The following ZNF607 variants were observed in gnomAD, a reference collection of about 807,000 sequenced individuals.
ZNF607 encodes zinc finger protein 607.
A neutral mutation model predicts 12.8 loss-of-function variants in ZNF607; 5 were observed. The observed-to-expected ratio is 0.39, with a 90% CI of 0.20 to 0.82. The LOEUF (loss-of-function observed/expected upper bound fraction) is 0.82, where lower values mean the gene tolerates loss of function less well. ZNF607 is among the 40% of genes least tolerant of loss of function. The probability of loss-of-function intolerance (pLI) is 0.39; values close to 1 mark genes in which losing one functional copy is unlikely to be tolerated. For synonymous variants in ZNF607, 287 were observed against 276.2 expected (o/e 1.04, Z -0.39); for missense variants, 851 against 859.2 (o/e 0.99, Z 0.12).
intron 4 of ZNF607, among the ~76,000 whole-genome samples, chr19:37,704,511 T>C (rs1046112149): frequency 9.2e-5 from 14 of 152,076 alleles, no homozygotes; most frequent in Admixed American, 5.3e-4. Context: ...AAATAAACCA[T>C]AGGTCAAAGA....
At chr19:37,700,933 C>T (rs1405342212) in intron 4 of ZNF607, among the ~76,000 whole-genome samples, 2 of 151,960 alleles carry the variant, frequency 1.3e-5, no homozygotes, top group Non-Finnish European at 1.5e-5. Flanking sequence ...AGTATATATA[C>T]ATATTTTGAA....
In ZNF607 at chr19:37,698,295, G is replaced by C; in HGVS notation, c.1836C>G (p.Thr612=). The C allele has an allele frequency of 6.2e-7, 1 of 1,613,758 alleles. No individual in the cohort carries two copies. ...SHLIIHERIH[T]SDKPYECKRC... ...TTTTACATTCATAGGGTTTATCACT[G>C]GTATGAATTCTCTCATGAATAATAA... Residue 612 remains threonine, a synonymous_variant, in exon 5 of 5, where the codon ACC becomes ACG. Transcript: ENST00000355202.
At chr19:37,717,641 C>CAAA (rs530962725) in intron 1 of ZNF607, among the ~76,000 whole-genome samples, 1 of 128,806 alleles carries the variant, frequency 7.8e-6, no homozygotes, top group African/African-American at 2.9e-5. Flanking sequence ...ACTAAAAATA[C>CAAA]AAAAAAAAAA....
chr19:37,705,640 G>A (rs566870542), intron 4 of ZNF607, among the ~76,000 whole-genome samples: 167 of 130,416 alleles, frequency 1.3e-3, no homozygotes, highest in African/African-American at 4.3e-3. Context: ...AGCTGAAATC[G>A]CACCACTGCA....
intron 1 of ZNF607, among the ~76,000 whole-genome samples, chr19:37,715,182 A>G (rs1209104233): frequency 3.3e-5 from 5 of 151,894 alleles, no homozygotes; most frequent in Non-Finnish European, 7.4e-5. Flanking sequence ...CTGGGATTAC[A>G]GGCATGAGCC....
rs779486737 is a variant in ZNF607 at position 37,709,782 on chromosome 19, T to A, written c.50A>T (p.His17Leu). Reference protein sequence around the residue: ...TFGDVAIDFSHQEWEYLSLVQ... With the variant: ...TFGDVAIDFSLQEWEYLSLVQ... ...CAGGCTGAGATATTCCCACTCCTGA[T>A]GAGAGAAGTCTATGGCCACATCCCC... The change falls in exon 3 of 5, where the codon CAT becomes CTT. Residue 17 changes from histidine to leucine, a missense_variant. Coordinates refer to ENST00000355202, the MANE Select transcript of ZNF607 (RefSeq NM_032689.5). 5.0e-6 allele frequency: 8 copies of A among 1,613,976 alleles called. No homozygotes were observed. Among genetic ancestry groups the A allele is most frequent in the African/African-American group, 2.7e-5 (2 of 74,920 alleles).
Position 37,698,897 on chromosome 19 carries a change from G to A in ZNF607, c.1234C>T (p.Gln412Ter). 6.2e-7 allele frequency: 1 copy of A among 1,613,922 alleles called. No homozygotes were observed. Among genetic ancestry groups the A allele is most frequent in the Non-Finnish European group, 8.5e-7 (1 of 1,179,964 alleles). Residue 412 changes from glutamine to a stop codon, truncating the protein, a stop_gained, in exon 5 of 5, where the codon CAA becomes TAA. Coordinates refer to ENST00000355202, the MANE Select transcript of ZNF607 (RefSeq NM_032689.5). LOFTEE classifies it low-confidence loss of function (END_TRUNC). ...FRLNSSLKIHQNIHTGEKPYK... is the reference protein window; with the variant it reads ...FRLNSSLKIH ...GGTTTCTCACCGGTATGAATATTTT[G>A]ATGTATTTTAAGGGATGAATTGAGC... is the stretch of plus-strand genomic sequence containing the variant.
rs367890090 is a variant in ZNF607 at position 37,699,585 on chromosome 19, A to G, written c.546T>C (p.Pro182=). 7.4e-6 allele frequency: 12 copies of G among 1,614,112 alleles called. No individual in the cohort carries two copies. The African/African-American group carries it at 1.6e-4, about 22-fold the overall frequency. ...CEECGKVFSY[P]ANLAQHGKVH... The stretch of plus-strand genomic sequence containing the variant: ...CTTTCCCATGTTGAGCAAGGTTTGC[A>G]GGATAACTGAAGACCTTCCCACATT... Residue 182 remains proline, a synonymous_variant, in exon 5 of 5, where the codon CCT becomes CCC. Transcript: ENST00000355202.
chr19:37,705,685 CAAAAA>C lies in ZNF607; in HGVS notation c.235+2224_235+2228del, dbSNP rs978057659. Among the ~76,000 whole-genome samples the C allele has an allele frequency of 2.7e-4, 14 of 52,668 alleles. No homozygotes were observed. In the East Asian group the frequency reaches 7.8e-3, roughly 29 times the overall value. The allele number at this position is 52,668 out of a possible 152,430, so 34.6% of individuals were successfully genotyped here. ...GGGCAAGAAAGCAAGACTCTCTCTCCAAAAAAAAAAAAAAAAAAAAACTTAGATGC... is the reference window on the plus strand; with the variant it reads ...GGGCAAGAAAGCAAGACTCTCTCTCCAAAAAAAAAAAAAAAACTTAGATGC... On this transcript the variant is annotated intron_variant, in intron 4 of 4. Coordinates refer to ENST00000355202, the MANE Select transcript of ZNF607 (RefSeq NM_032689.5).
At chr19:37,699,942 A>G (rs537536670) in intron 4 of ZNF607, 47 bp from the exon 5 acceptor site, 3 of 1,398,648 alleles carry the variant, frequency 2.1e-6, no homozygotes, top group Admixed American at 2.7e-5. Flanking sequence ...GAAAATGTCA[A>G]TGTTATTGTA....
chr19:37,711,536 A>G, intron 2 of ZNF607, 74 bp downstream of exon 2: 1 of 1,514,764 alleles, frequency 6.6e-7, no homozygotes, highest in East Asian at 2.3e-5. Context: ...TAACTTCAGG[A>G]AAAATGATGA....
At chr19:37,710,884 T>G (rs1450934095) in intron 2 of ZNF607, among the ~76,000 whole-genome samples, 2 of 152,302 alleles carry the variant, frequency 1.3e-5, no homozygotes, top group East Asian at 3.9e-4. Flanking sequence ...AAACTAGGTT[T>G]CCTGTGACCT....
intron 1 of ZNF607, among the ~76,000 whole-genome samples, chr19:37,711,971 T>C (rs1390352073): frequency 6.6e-6 from 1 of 152,202 alleles, no homozygotes; most frequent in East Asian, 1.9e-4. Context: ...GTGAGGCAGA[T>C]GGGGACCTCA....
At chr19:37,711,482 ATG>A (rs571109664) in intron 2 of ZNF607, 126 bp downstream of exon 2, 1 of 936,444 alleles carries the variant, frequency 1.1e-6, no homozygotes. Flanking sequence ...TACTGGAAGA[ATG>A]AGAACTGGAG....
chr19:37,706,100 A>G (rs2045080660), intron 4 of ZNF607, among the ~76,000 whole-genome samples: 4 of 152,094 alleles, frequency 2.6e-5, no homozygotes, highest in Admixed American at 2.6e-4. Flanking sequence ...AGGCGGAGGC[A>G]GGAGAATTGC....
intron 2 of ZNF607, among the ~76,000 whole-genome samples, chr19:37,711,276 A>G (rs973618078): frequency 6.6e-6 from 1 of 152,236 alleles, no homozygotes; most frequent in Non-Finnish European, 1.5e-5. Context: ...TGTTGTCTCA[A>G]TCGCAACAAA....
intron 4 of ZNF607, among the ~76,000 whole-genome samples, chr19:37,700,896 A>C (rs532653147): frequency 6.6e-6 from 1 of 152,220 alleles, no homozygotes; most frequent in East Asian, 1.9e-4. Context: ...AGGGAAAATA[A>C]GAAAGAGATT....
intron 4 of ZNF607, among the ~76,000 whole-genome samples, chr19:37,707,519 C>T (rs1240507911): frequency 6.6e-6 from 1 of 151,876 alleles, no homozygotes; most frequent in Non-Finnish European, 1.5e-5. Context: ...CCTATAATCC[C>T]AGCACTTTGG....
Position 37,699,884 on chromosome 19 carries a change from T to C in ZNF607, c.247A>G (p.Arg83Gly), listed in dbSNP as rs1300994114. Residue 83 changes from arginine (R) to glycine (G), a missense_variant, in exon 5 of 5, where the codon AGA becomes GGA. Arg to Gly is a moderately radical substitution (Grantham distance 125, BLOSUM62 -2). Coordinates refer to ENST00000355202, the MANE Select transcript of ZNF607 (RefSeq NM_032689.5). Reference sequence around the variant, plus strand: ...TTCCCATCGCTGATTATTTCACATCTTGAATCCAAATCTAGAAGACATAAA... The same window carrying C: ...TTCCCATCGCTGATTATTTCACATCCTGAATCCAAATCTAGAAGACATAAA... ...TRGECTDLDS[R>G]CEIISDGKMQ... 6.3e-7 allele frequency: 1 copy of C among 1,585,906 alleles called. No homozygotes were observed. The highest frequency in any genetic ancestry group is 8.6e-7 in the Non-Finnish European group (1 of 1,168,042).
Sources: gnomAD v4.1 joint callset for allele counts (sites outside exome capture counted in the v4.1 genomes callset) on GRCh38, gnomAD v4.1.1 for gene constraint, MANE v1.5 for transcripts, NCBI Gene and HGNC (gene_info 2026-07-23, HGNC 2026-07-21) for gene names.